The following CSMD1 variants were observed in gnomAD, a reference collection of about 807,000 sequenced individuals.
CSMD1 encodes CUB and Sushi multiple domains 1, also known as CUB and sushi domain-containing protein 1.
A neutral mutation model predicts 417.5 loss-of-function variants in CSMD1; 213 were observed. The ratio of observed to expected loss-of-function variants is 0.51; its 90% CI spans 0.46 to 0.57. The LOEUF (loss-of-function observed/expected upper bound fraction) is 0.57, where lower values mean the gene tolerates loss of function less well. Ranked by LOEUF, CSMD1 falls within the 20% of genes least tolerant of loss-of-function variation. The pLI is 0.00. For synonymous variants in CSMD1, 2,862 were observed against 1,736.8 expected (o/e 1.65, Z -16.11); for missense variants, 6,923 against 4,529.7 (o/e 1.53, Z -15.17).
intron 1 of CSMD1, among the ~76,000 whole-genome samples, chr8:4,741,554 T>C (rs1810606086): frequency 6.6e-6 from 1 of 152,206 alleles, no homozygotes; most frequent in South Asian, 2.1e-4. Flanking sequence ...ATAAGAAGAA[T>C]GAACTGGAGG....
At position 3,770,270 on chromosome 8, in the gene CSMD1, G is replaced by C. The variant is rs189137940; in HGVS notation, c.819-16228C>G. On this transcript the variant is annotated intron_variant, in intron 5 of 69. Transcript: ENST00000635120. The stretch of plus-strand genomic sequence containing the variant: ...CAACTGGGCACAGTGTCTCATGCCT[G>C]TAATCCCAACACTTTGGGAGGCCGA... 1.1e-4 allele frequency among the ~76,000 whole-genome samples: 16 copies of C among 152,288 alleles called. No homozygotes were observed. The East Asian group carries it at 3.1e-3, about 29-fold the overall frequency.
chr8:4,345,178 A>G (rs1162741670), intron 3 of CSMD1, among the ~76,000 whole-genome samples: 2 of 152,174 alleles, frequency 1.3e-5, no homozygotes, highest in Admixed American at 6.6e-5. Context: ...TTCCACTTAC[A>G]TGCAAGACAT....
intron 7 of CSMD1, among the ~76,000 whole-genome samples, chr8:3,655,827 T>C (rs565968010): frequency 6.6e-6 from 1 of 152,160 alleles, no homozygotes; most frequent in African/African-American, 2.4e-5. Flanking sequence ...TTTTCAGGAC[T>C]GATGCAAAGA....
chr8:3,188,109 C>A, intron 35 of CSMD1, 144 bp from the exon 36 acceptor site: 1 of 270,800 alleles, frequency 3.7e-6, no homozygotes, highest in Non-Finnish European at 6.8e-6. Context: ...TACATATACA[C>A]CTTAATAATG....
At chr8:3,732,672 ATTTTT>A (rs530223791) in intron 6 of CSMD1, among the ~76,000 whole-genome samples, 6 of 151,978 alleles carry the variant, frequency 3.9e-5, no homozygotes, top group Non-Finnish European at 8.8e-5. Flanking sequence ...TCCTAAATTG[ATTTTT>A]TTTAAGACAG....
intron 3 of CSMD1, among the ~76,000 whole-genome samples, chr8:4,237,627 T>A (rs917013843): frequency 6.6e-6 from 1 of 152,060 alleles, no homozygotes; most frequent in African/African-American, 2.4e-5. Flanking sequence ...CTCAACCTCC[T>A]GCCTCACCCT....
intron 3 of CSMD1, among the ~76,000 whole-genome samples, chr8:4,332,894 A>T (rs1482596520): frequency 1.3e-5 from 2 of 151,840 alleles, no homozygotes; most frequent in Non-Finnish European, 2.9e-5. Context: ...AAAACAACAC[A>T]ATGACTTGAA....
intron 5 of CSMD1, among the ~76,000 whole-genome samples, chr8:3,982,273 C>T (rs1405166940): frequency 4.6e-5 from 7 of 151,142 alleles, no homozygotes; most frequent in Non-Finnish European, 1.0e-4. Flanking sequence ...GGATTTAAAT[C>T]CTGGTCTACA....
intron 25 of CSMD1, among the ~76,000 whole-genome samples, chr8:3,296,500 A>G (rs1022411919): frequency 9.9e-5 from 15 of 152,112 alleles, no homozygotes; most frequent in African/African-American, 3.4e-4. Context: ...AGGATGATAT[A>G]CCAAGGCAGG....
intron 25 of CSMD1, among the ~76,000 whole-genome samples, chr8:3,299,010 C>T (rs1804180176): frequency 6.6e-6 from 1 of 152,120 alleles, no homozygotes. Context: ...GGAGTTTTGC[C>T]ATCTTGGAAA....
At chr8:3,831,935 G>T (rs1443975880) in intron 5 of CSMD1, among the ~76,000 whole-genome samples, 1 of 152,102 alleles carries the variant, frequency 6.6e-6, no homozygotes, top group Admixed American at 6.6e-5. Flanking sequence ...CCAGAGATTA[G>T]TCCTGGAAAG....
At chr8:3,836,694 T>G (rs1330422287) in intron 5 of CSMD1, among the ~76,000 whole-genome samples, 1 of 152,122 alleles carries the variant, frequency 6.6e-6, no homozygotes, top group African/African-American at 2.4e-5. Flanking sequence ...TCAATATGGT[T>G]AGAATTGGGA....
chr8:4,834,804 A>G (rs1351103923), intron 1 of CSMD1, among the ~76,000 whole-genome samples: 1 of 151,568 alleles, frequency 6.6e-6, no homozygotes, highest in African/African-American at 2.4e-5. Flanking sequence ...AAAACACAAA[A>G]AAATTAGCCG....
At chr8:3,123,044 C>A (rs1172508505) in intron 41 of CSMD1, among the ~76,000 whole-genome samples, 1 of 152,194 alleles carries the variant, frequency 6.6e-6, no homozygotes, top group Non-Finnish European at 1.5e-5. Flanking sequence ...AGCTCAAAGG[C>A]TACAGTGGCG....
intron 10 of CSMD1, among the ~76,000 whole-genome samples, chr8:3,551,412 G>C (rs1585349595): frequency 6.6e-6 from 1 of 151,956 alleles, no homozygotes; most frequent in East Asian, 1.9e-4. Context: ...TTAGGTTGCA[G>C]TAAACTGGAA....
chr8:4,671,823 C>G (rs1805349533), intron 1 of CSMD1, among the ~76,000 whole-genome samples: 1 of 152,160 alleles, frequency 6.6e-6, no homozygotes, highest in African/African-American at 2.4e-5. Context: ...CAGCGAAAAA[C>G]TTACGTTTGA....
At chr8:4,160,414 T>C (rs1474066568) in intron 3 of CSMD1, among the ~76,000 whole-genome samples, 1 of 152,166 alleles carries the variant, frequency 6.6e-6, no homozygotes, top group Non-Finnish European at 1.5e-5. Context: ...CAACTTTAAA[T>C]TCAATGAAAT....
intron 7 of CSMD1, among the ~76,000 whole-genome samples, chr8:3,677,490 G>C (rs1799436763): frequency 6.6e-6 from 1 of 152,198 alleles, no homozygotes; most frequent in Non-Finnish European, 1.5e-5. Context: ...CACCACAGAA[G>C]ACATCAGGAG....
At chr8:4,764,913 A>AC (rs1554473700) in intron 1 of CSMD1, among the ~76,000 whole-genome samples, 9 of 147,202 alleles carry the variant, frequency 6.1e-5, no homozygotes, top group African/African-American at 2.0e-4. Flanking sequence ...ACAAAAAAAA[A>AC]CCTTTGCTGA....
Sources: gnomAD v4.1 joint callset for allele counts (sites outside exome capture counted in the v4.1 genomes callset) on GRCh38, gnomAD v4.1.1 for gene constraint, MANE v1.5 for transcripts, NCBI Gene and HGNC (gene_info 2026-07-23, HGNC 2026-07-21) for gene names.